RAB30: variants seen among roughly 807,000 people sequenced by gnomAD.
RAB30 encodes the protein ras-related protein Rab-30.
Under a neutral mutation model 25.1 loss-of-function variants are expected in RAB30, and 9 were observed. That is an observed-to-expected ratio of 0.36 (90% CI 0.22 to 0.63). The LOEUF is 0.63. Ranked by LOEUF, RAB30 falls within the 20% of genes least tolerant of loss-of-function variation. The probability of loss-of-function intolerance (pLI) is 0.69; values close to 1 mark genes in which losing one functional copy is unlikely to be tolerated. For missense variants in RAB30, 140 were observed against 243.5 expected (o/e 0.58, Z 2.83); for synonymous variants, 77 against 86.4 (o/e 0.89, Z 0.60).
chr11:83,052,488 G>GAAGATAGTTTTCCATGTTGC (rs1858377627), intron 1 of RAB30, among the ~76,000 whole-genome samples: 1 of 152,214 alleles, frequency 6.6e-6, no homozygotes, highest in Non-Finnish European at 1.5e-5. Flanking sequence ...ACCCATGTTG[G>GAAGATAGTTTTCCATGTTGC]AAGCTAGTTT....
intron 1 of RAB30, among the ~76,000 whole-genome samples, chr11:83,013,034 T>C (rs1857337624): frequency 6.6e-6 from 1 of 152,180 alleles, no homozygotes; most frequent in African/African-American, 2.4e-5. Flanking sequence ...GCCTCCTCTA[T>C]GTTCTGCAGA....
intron 3 of RAB30, among the ~76,000 whole-genome samples, chr11:82,988,815 G>T (rs1856790557): frequency 1.3e-5 from 2 of 152,226 alleles, no homozygotes; most frequent in Non-Finnish European, 2.9e-5. Context: ...CAGGTCACAG[G>T]TGTATTCATG....
chr11:83,062,048 G>A (rs1184032099), intron 1 of RAB30, among the ~76,000 whole-genome samples: 1 of 152,030 alleles, frequency 6.6e-6, no homozygotes, highest in African/African-American at 2.4e-5. Context: ...AATGCCACCA[G>A]ACGGTCCTGG....
At chr11:82,999,268 G>T (rs1244992791) in intron 1 of RAB30, among the ~76,000 whole-genome samples, 1 of 152,142 alleles carries the variant, frequency 6.6e-6, no homozygotes, top group Non-Finnish European at 1.5e-5. Flanking sequence ...TAAGAGGGTG[G>T]CCTGAAATCA....
At chr11:83,053,364 T>C (rs1565290364) in intron 1 of RAB30, among the ~76,000 whole-genome samples, 1 of 152,258 alleles carries the variant, frequency 6.6e-6, no homozygotes, top group Non-Finnish European at 1.5e-5. Context: ...GCTCAATTAA[T>C]GGTTAGTGCC....
At chr11:83,017,085 T>C (rs1466685150) in intron 1 of RAB30, among the ~76,000 whole-genome samples, 1 of 152,154 alleles carries the variant, frequency 6.6e-6, no homozygotes, top group Non-Finnish European at 1.5e-5. Flanking sequence ...ACACCTGTAA[T>C]CCTAGCACTC....
In RAB30 at chr11:83,026,481, CTT is replaced by C. The variant is rs891163054; in HGVS notation, c.-8-29159_-8-29158del. Among the ~76,000 whole-genome samples the C allele has an allele frequency of 1.4e-4, 22 of 151,962 alleles. 1 individual carries two copies. The highest frequency in any genetic ancestry group is 5.8e-4 in the East Asian group (3 of 5,178). On this transcript the variant is annotated intron_variant, in intron 1 of 4. Transcript: ENST00000527633. ...TACGGCACCTCTGTCCTCACTCTCT[CTT>C]GTTTCCACTCTCACATGTAACATTC...
In RAB30 at chr11:82,977,499, T is replaced by G. The variant is rs1459851593; in HGVS notation, c.*4666A>C. ...GGATCCTCTCCACATCTTTGCCTCTTGACAGAGGCTATTACCTGAGGCAGA... is the reference window on the plus strand; with the variant it reads ...GGATCCTCTCCACATCTTTGCCTCTGGACAGAGGCTATTACCTGAGGCAGA... On this transcript the variant is annotated 3_prime_UTR_variant, in exon 5 of 5. Transcript: ENST00000527633. 6.6e-6 allele frequency: 1 copy of G among 152,212 alleles called. No individual in the cohort carries two copies. The highest frequency in any genetic ancestry group is 1.5e-5 in the Non-Finnish European group (1 of 68,036). 9.4% of individuals were successfully genotyped at this position (152,212 alleles called of 1,614,324 possible). A position where few individuals can be genotyped will look rare whatever the true frequency, so the allele number is the denominator to read the frequency against.
chr11:83,056,624 T>G lies in RAB30; in HGVS notation c.-9+15067A>C, dbSNP rs184896183. 2.5e-3 allele frequency among the ~76,000 whole-genome samples: 379 copies of G among 152,288 alleles called. 1 individual carries two copies. The highest frequency in any genetic ancestry group is 8.6e-3 in the African/African-American group (358 of 41,552). ...TTATAAGGTGAAAAAATGAATCATC[T>G]TCCACATAAAATTGCAAATTGTCCA... On this transcript the variant is annotated intron_variant, in intron 1 of 4. Transcript: ENST00000527633.
intron 2 of RAB30, among the ~76,000 whole-genome samples, chr11:82,995,145 A>G (rs188475403): frequency 1.3e-5 from 2 of 152,358 alleles, no homozygotes; most frequent in Admixed American, 1.3e-4. Context: ...CTCTTCACTT[A>G]TATTCCAGAA....
intron 1 of RAB30, among the ~76,000 whole-genome samples, chr11:83,016,950 G>A (rs1383485156): frequency 6.6e-6 from 1 of 152,120 alleles, no homozygotes; most frequent in Non-Finnish European, 1.5e-5. Flanking sequence ...GCCCTTTCAT[G>A]TTCAGAAAGA....
intron 1 of RAB30, among the ~76,000 whole-genome samples, chr11:83,061,065 C>T (rs936885678): frequency 3.9e-5 from 6 of 152,234 alleles, no homozygotes; most frequent in Non-Finnish European, 8.8e-5. Flanking sequence ...GAGAGTTCCA[C>T]TGTCAGCTTC....
intron 1 of RAB30, among the ~76,000 whole-genome samples, chr11:83,036,853 G>A (rs769230538): frequency 6.6e-6 from 1 of 152,164 alleles, no homozygotes; most frequent in Non-Finnish European, 1.5e-5. Context: ...CGTGTCCAAG[G>A]AACATAAAGG....
At chr11:83,010,106 T>C (rs1857272903) in intron 1 of RAB30, among the ~76,000 whole-genome samples, 1 of 152,068 alleles carries the variant, frequency 6.6e-6, no homozygotes, top group Non-Finnish European at 1.5e-5. Context: ...AAAACCTCTA[T>C]ATACCAATAG....
chr11:83,063,109 C>T lies in RAB30; in HGVS notation c.-9+8582G>A, dbSNP rs183478801. Among the ~76,000 whole-genome samples the T allele has an allele frequency of 2.3e-3, 351 of 152,090 alleles. 6 individuals are homozygous for T. The highest frequency in any genetic ancestry group is 1.3e-3 in the Admixed American group (20 of 15,274). On this transcript the variant is annotated intron_variant, in intron 1 of 4. Coordinates refer to ENST00000527633, the MANE Select transcript of RAB30 (RefSeq NM_001286060.2). ...AAAGAGTGAAAATAATTCATGGCTG[C>T]GATCCTCACAATCTCTTCCCCAGGG...
intron 1 of RAB30, among the ~76,000 whole-genome samples, chr11:83,061,112 G>C (rs1858564716): frequency 6.6e-6 from 1 of 152,074 alleles, no homozygotes; most frequent in Admixed American, 6.5e-5. Context: ...ACTGCACTAA[G>C]CTACCAGCAT....
At position 82,976,070 on chromosome 11, in the gene RAB30, G is replaced by A. The variant is rs1308647247; in HGVS notation, c.*6095C>T. The A allele has an allele frequency of 6.6e-6, 1 of 152,160 alleles. No homozygotes were observed. Among genetic ancestry groups the A allele is most frequent in the African/African-American group, 2.4e-5 (1 of 41,456 alleles). The allele number at this position is 152,160 out of a possible 1,614,324, so 9.4% of individuals were successfully genotyped here. On this transcript the variant is annotated 3_prime_UTR_variant, in exon 5 of 5. Transcript: ENST00000527633. ...GAGAGAGAGAGAGACCACCTTGCCT[G>A]AAGTTTGTAAAGAAATGGAGGGTGA...
chr11:83,053,334 G>A (rs1858394346), intron 1 of RAB30, among the ~76,000 whole-genome samples: 1 of 152,168 alleles, frequency 6.6e-6, no homozygotes, highest in Non-Finnish European at 1.5e-5. Context: ...AATTATAAAT[G>A]CAAAGGGCAG....
chr11:83,036,085 T>C lies in RAB30; in HGVS notation c.-9+35606A>G, dbSNP rs569814122. Among the ~76,000 whole-genome samples the C allele has an allele frequency of 2.6e-5, 4 of 152,116 alleles. No homozygotes were observed. In the South Asian group the frequency reaches 6.2e-4, roughly 24 times the overall value. On this transcript the variant is annotated intron_variant, in intron 1 of 4. Transcript: ENST00000527633. ...TGTAAGGTAGATAGAACTGCTATTA[T>C]ACAGATGAGGCAACTAAAGCCCAGA...
Sources: gnomAD v4.1 joint callset for allele counts (sites outside exome capture counted in the v4.1 genomes callset) on GRCh38, gnomAD v4.1.1 for gene constraint, MANE v1.5 for transcripts, NCBI Gene and HGNC (gene_info 2026-07-23, HGNC 2026-07-21) for gene names.